Variants in MFSD8 observed in about 807,000 individuals in gnomAD.
MFSD8 encodes major facilitator superfamily domain containing 8, also known as major facilitator superfamily domain-containing protein 8.
MFSD8 carries 55 observed loss-of-function variants against 66.4 expected under a neutral mutation model. The ratio of observed to expected loss-of-function variants is 0.83; its 90% CI spans 0.67 to 1.04. MFSD8 has a LOEUF of 1.04. Among genes scored for constraint, MFSD8 ranks in the 50% least tolerant of loss-of-function variants. MFSD8 has a pLI of 0.00. For missense variants in MFSD8, 550 were observed against 627.6 expected (o/e 0.88, Z 1.32); for synonymous variants, 202 against 212.8 (o/e 0.95, Z 0.44).
intron 1 of MFSD8, among the ~76,000 whole-genome samples, chr4:127,958,458 CT>C (rs202212795): frequency 4.0e-5 from 6 of 149,480 alleles, no homozygotes; most frequent in Admixed American, 6.7e-5. Flanking sequence ...AAAAAAGAAA[CT>C]TTTTTTTTTC....
rs1578788745 is a variant in MFSD8, at chr4:127,920,436, G to A, written c.*194C>T. ...TCTGAGGTAAGGAAATTATCATCTAGTATGTTTTTATATAACCTACTATTC... is the reference window on the plus strand; with the variant it reads ...TCTGAGGTAAGGAAATTATCATCTAATATGTTTTTATATAACCTACTATTC... On this transcript the variant is annotated 3_prime_UTR_variant, in exon 12 of 12. Transcript: ENST00000641686. 1.6e-6 allele frequency: 1 copy of A among 624,718 alleles called. No homozygotes were observed. Among genetic ancestry groups the A allele is most frequent in the East Asian group, 2.8e-5 (1 of 35,658 alleles). The allele number at this position is 624,718 out of a possible 1,614,324, so 38.7% of individuals were successfully genotyped here.
chr4:127,938,594 AATAAAT>A lies in MFSD8; in HGVS notation c.754+183_754+188del, dbSNP rs1479651311. Among the ~76,000 whole-genome samples, 778 of 107,380 alleles carry A rather than the reference AATAAAT, an allele frequency of 7.2e-3. 17 individuals are homozygous for A. Among genetic ancestry groups the A allele is most frequent in the African/African-American group, 0.03 (714 of 24,042 alleles). 70.4% of individuals were successfully genotyped at this position (107,380 alleles called of 152,430 possible). On this transcript the variant is annotated intron_variant, in intron 7 of 11. Transcript: ENST00000641686. ...CGAAACTCTGTCTCAAAAAAAAAAA[AATAAAT>A]AAATAAATAAATAAATAAATAAATA...
In MFSD8 at chr4:127,962,675, CA is replaced by C. The variant is rs902088559; in HGVS notation, c.62+2396del. ...TAGGCCACAGAGCAAGACCCCGTCT[CA>C]AAAAAAAAGTATAGCAGTGTAAAAT... On this transcript the variant is annotated intron_variant, in intron 1 of 11. Transcript: ENST00000641686. Among the ~76,000 whole-genome samples, 779 of 150,086 alleles carry C rather than the reference CA, an allele frequency of 5.2e-3. 8 individuals carry two copies. The highest frequency in any genetic ancestry group is 0.018 in the African/African-American group (750 of 40,804).
chr4:127,921,382 T>A lies in MFSD8; in HGVS notation c.1350+142A>T, dbSNP rs905512259. ...CCAAGAATGAACTTTATAGAAGTTG[T>A]GGGATTTTTAAAAATTTTAAATGCT... On this transcript the variant is annotated intron_variant, in intron 11 of 11. Coordinates refer to ENST00000641686, the MANE Select transcript of MFSD8 (RefSeq NM_001371596.2). 7.4e-6 allele frequency: 10 copies of A among 1,354,280 alleles called. No individual in the cohort carries two copies. In the African/African-American group the frequency reaches 1.3e-4, roughly 18 times the overall value. The allele number at this position is 1,354,280 out of a possible 1,614,324, so 83.9% of individuals were successfully genotyped here. A position where few individuals can be genotyped will look rare whatever the true frequency, so the allele number is the denominator to read the frequency against.
chr4:127,965,607 G>GT (rs138337601), upstream of MFSD8: 4,216 of 233,346 alleles, frequency 0.018, 164 homozygotes, highest in African/African-American at 0.09. Flanking sequence ...CTGGCGGCCA[G>GT]TAAGTAGCCG....
At chr4:127,929,436 A>T (rs1292738054) in intron 9 of MFSD8, among the ~76,000 whole-genome samples, 1 of 151,440 alleles carries the variant, frequency 6.6e-6, no homozygotes, top group African/African-American at 2.4e-5. Context: ...AAAAAAAAAA[A>T]AATTAGCCAG....
intron 7 of MFSD8, among the ~76,000 whole-genome samples, chr4:127,938,062 A>G (rs1739364849): frequency 6.6e-6 from 1 of 152,144 alleles, no homozygotes; most frequent in Admixed American, 6.5e-5. Flanking sequence ...GTATATTTCT[A>G]AAGTATACCA....
At chr4:127,964,772 T>C in intron 1 of MFSD8, 1 of 537,176 alleles carries the variant, frequency 1.9e-6, no homozygotes, top group Non-Finnish European at 3.4e-6. Flanking sequence ...GCAAGGGCTG[T>C]GAGGACTGCC....
chr4:127,920,066 A>T lies in MFSD8; in HGVS notation c.*564T>A, dbSNP rs1241511607. Reference sequence around the variant, plus strand: ...GCAGAGGTGTAGTATTAGAAGAAAGACTCATAGAAGGCAAGGTAGGATGTT... The same window carrying T: ...GCAGAGGTGTAGTATTAGAAGAAAGTCTCATAGAAGGCAAGGTAGGATGTT... On this transcript the variant is annotated 3_prime_UTR_variant, in exon 12 of 12. Transcript: ENST00000641686. 6.2e-6 allele frequency: 1 copy of T among 160,864 alleles called. No homozygotes were observed. The highest frequency in any genetic ancestry group is 1.8e-4 in the East Asian group (1 of 5,470). The allele number at this position is 160,864 out of a possible 1,614,324, so 10.0% of individuals were successfully genotyped here. A position where few individuals can be genotyped will look rare whatever the true frequency, so the allele number is the denominator to read the frequency against.
chr4:127,943,606 A>G (rs1018623137), intron 4 of MFSD8, 146 bp downstream of exon 4: 23 of 962,510 alleles, frequency 2.4e-5, no homozygotes, highest in South Asian at 1.5e-4. Context: ...GCAAAATGAT[A>G]AGAAAAATAT....
At chr4:127,961,217 G>A (rs573711148) in intron 1 of MFSD8, among the ~76,000 whole-genome samples, 17 of 151,916 alleles carry the variant, frequency 1.1e-4, no homozygotes, top group African/African-American at 3.9e-4. Flanking sequence ...TTGTACATAG[G>A]TTCACTTTAC....
intron 9 of MFSD8, among the ~76,000 whole-genome samples, chr4:127,922,682 C>G (rs1736515576): frequency 6.6e-6 from 1 of 151,882 alleles, no homozygotes; most frequent in Non-Finnish European, 1.5e-5. Flanking sequence ...ATAAAGTACT[C>G]TTTGGTCAGT....
chr4:127,921,725 A>G lies in MFSD8; in HGVS notation c.1149T>C (p.Ile383=). Residue 383 remains isoleucine (I), a synonymous_variant, in exon 11 of 12, where the codon ATT becomes ATC. Transcript: ENST00000641686. The part of the protein sequence containing the change: ...SIPNTTFGEI[I]IGLWKSPMED... ...CCATTGGAGACTTCCAAAGACCAAT[A>G]ATAATTTCCCCAAATGTGGTATTAG... The G allele has an allele frequency of 1.2e-6, 2 of 1,614,222 alleles. No individual in the cohort carries two copies. The highest frequency in any genetic ancestry group is 1.7e-6 in the Non-Finnish European group (2 of 1,180,032).
At chr4:127,965,383 C>G, upstream of MFSD8, 1 of 594,004 alleles carries the variant, frequency 1.7e-6, no homozygotes, top group South Asian at 2.0e-5. Context: ...GACTGAGAGC[C>G]CAGGAGAGCT....
intron 5 of MFSD8, among the ~76,000 whole-genome samples, chr4:127,941,122 T>C (rs1034487264): frequency 6.6e-6 from 1 of 152,212 alleles, no homozygotes; most frequent in Non-Finnish European, 1.5e-5. Context: ...CATGTCCTCA[T>C]GTACTTTACA....
chr4:127,950,637 G>A (rs1741775977), intron 2 of MFSD8, among the ~76,000 whole-genome samples: 1 of 151,998 alleles, frequency 6.6e-6, no homozygotes, highest in Non-Finnish European at 1.5e-5. Flanking sequence ...AGGTTGTAGT[G>A]AGCCAACATC....
intron 4 of MFSD8, 82 bp downstream of exon 4, chr4:127,943,670 G>T (rs924438939): frequency 6.6e-7 from 1 of 1,513,078 alleles, no homozygotes; most frequent in Non-Finnish European, 9.2e-7. Flanking sequence ...GTTTAAAAGG[G>T]GATGAGACCA....
intron 8 of MFSD8, among the ~76,000 whole-genome samples, chr4:127,931,565 C>T (rs1241119419): frequency 1.3e-5 from 2 of 152,122 alleles, no homozygotes; most frequent in Non-Finnish European, 2.9e-5. Context: ...ACCATATGGC[C>T]AGGCTGGTCT....
intron 7 of MFSD8, among the ~76,000 whole-genome samples, chr4:127,937,153 T>C (rs1291587369): frequency 6.6e-6 from 1 of 152,208 alleles, no homozygotes; most frequent in African/African-American, 2.4e-5. Flanking sequence ...CTCACTCCCT[T>C]TCTGCTGCCA....
Sources: allele counts gnomAD v4.1 joint callset (sites outside exome capture counted in the v4.1 genomes callset), GRCh38; gene constraint gnomAD v4.1.1; transcripts MANE v1.5; gene names NCBI Gene and HGNC (gene_info 2026-07-23, HGNC 2026-07-21).